The following PLCG2 variants were observed in gnomAD, a reference collection of about 807,000 sequenced individuals.
PLCG2 encodes the protein phospholipase C gamma 2, also known as 1-phosphatidylinositol 4,5-bisphosphate phosphodiesterase gamma-2.
PLCG2 carries 69 observed loss-of-function variants against 175.6 expected under a neutral mutation model. The ratio of observed to expected loss-of-function variants is 0.39; its 90% CI spans 0.32 to 0.48. The LOEUF (loss-of-function observed/expected upper bound fraction) is 0.48, where lower values mean the gene tolerates loss of function less well. PLCG2 is among the 20% of genes least tolerant of loss of function. The probability of loss-of-function intolerance (pLI) is 0.91; values close to 1 mark genes in which losing one functional copy is unlikely to be tolerated. For synonymous variants in PLCG2, 827 were observed against 624.0 expected, an observed-to-expected ratio of 1.33 and a Z score of -4.85; for missense variants, 1,798 against 1,650.9, an observed-to-expected ratio of 1.09 and a Z score of -1.54.
rs751838180 is a variant in PLCG2, at chr16:81,854,446, G to A, written c.196G>A (p.Asp66Asn). 3.7e-6 allele frequency: 6 copies of A among 1,613,824 alleles called. No homozygotes were observed. The highest frequency in any genetic ancestry group is 5.1e-6 in the Non-Finnish European group (6 of 1,179,774). ...KTADKIEGFL[D>N]IMEIKEIRPG... ...GGCTCATGTTAATTTCATTTTAGTGGATATCATGGAAATAAAAGAAATCCG... is the reference window on the plus strand; with the variant it reads ...GGCTCATGTTAATTTCATTTTAGTGAATATCATGGAAATAAAAGAAATCCG... The change falls in exon 3 of 33, where the codon GAT (aspartate) becomes AAT (asparagine). Residue 66 changes from aspartate (D) to asparagine (N), a missense_variant and splice_region_variant. Asp to Asn is a conservative substitution (Grantham distance 23). Coordinates refer to ENST00000564138, the MANE Select transcript of PLCG2 (RefSeq NM_002661.5).
At chr16:81,892,912 A>G (rs1218828179) in intron 11 of PLCG2, among the ~76,000 whole-genome samples, 1 of 148,616 alleles carries the variant, frequency 6.7e-6, no homozygotes, top group African/African-American at 2.5e-5. Flanking sequence ...CATTGGTGCG[A>G]TCTCAGCTCA....
intron 2 of PLCG2, among the ~76,000 whole-genome samples, chr16:81,853,369 C>A (rs541024704): frequency 6.6e-6 from 1 of 151,988 alleles, no homozygotes; most frequent in East Asian, 1.9e-4. Context: ...AACCATTAGA[C>A]CCTGAACTGG....
At chr16:81,753,500 C>A (rs117493392) in intron 1 of PLCG2, among the ~76,000 whole-genome samples, 2,691 of 151,554 alleles carry the variant, frequency 0.018, 36 homozygotes, top group Middle Eastern at 0.034. Flanking sequence ...CTCACTGATG[C>A]CTCCACCTCC....
intron 2 of PLCG2, among the ~76,000 whole-genome samples, chr16:81,847,914 A>G (rs981048808): frequency 6.6e-6 from 1 of 152,232 alleles, no homozygotes; most frequent in Non-Finnish European, 1.5e-5. Flanking sequence ...CCGATCCCCA[A>G]CAGTCACTGA....
intron 2 of PLCG2, among the ~76,000 whole-genome samples, chr16:81,789,121 G>GTAAAA (rs144675598): frequency 4.6e-5 from 7 of 152,116 alleles, no homozygotes; most frequent in African/African-American, 1.2e-4. Context: ...GGAACTTAAA[G>GTAAAA]TAAAATAAAA....
At chr16:81,783,368 C>CAT (rs970884116) in intron 1 of PLCG2, among the ~76,000 whole-genome samples, 13 of 152,272 alleles carry the variant, frequency 8.5e-5, no homozygotes, top group East Asian at 3.9e-4. Flanking sequence ...AGGTTTGTTA[C>CAT]ATATATATAC....
intron 3 of PLCG2, among the ~76,000 whole-genome samples, chr16:81,854,935 A>G (rs1319142236): frequency 1.3e-5 from 2 of 152,090 alleles, no homozygotes; most frequent in African/African-American, 2.4e-5. Context: ...TGAAAAATGT[A>G]CGCTGGGCTC....
chr16:81,819,649 A>G (rs1378831051), intron 2 of PLCG2, among the ~76,000 whole-genome samples: 2 of 152,146 alleles, frequency 1.3e-5, no homozygotes, highest in Non-Finnish European at 2.9e-5. Context: ...CGGTGGCGCT[A>G]TCTCGGCTCA....
At chr16:81,901,249 A>G (rs149136265) in intron 14 of PLCG2, among the ~76,000 whole-genome samples, 276 of 152,292 alleles carry the variant, frequency 1.8e-3, no homozygotes, top group Middle Eastern at 0.017. Flanking sequence ...GTTGCTAGAA[A>G]AGGCTGAGTG....
At chr16:81,936,593 G>A (rs547959925) in intron 27 of PLCG2, among the ~76,000 whole-genome samples, 16 of 152,234 alleles carry the variant, frequency 1.1e-4, no homozygotes, top group Non-Finnish European at 2.2e-4. Flanking sequence ...CGCAGGCTTC[G>A]TGATTGTAAG....
chr16:81,782,976 G>A (rs1011796998), intron 1 of PLCG2, among the ~76,000 whole-genome samples: 3 of 152,086 alleles, frequency 2.0e-5, no homozygotes, highest in Non-Finnish European at 4.4e-5. Context: ...TTGGTGAGAC[G>A]CAGCATGGAA....
chr16:81,910,462 G>A, intron 17 of PLCG2, 58 bp from the exon 18 acceptor site: 4 of 1,500,418 alleles, frequency 2.7e-6, no homozygotes, highest in Non-Finnish European at 3.7e-6. Flanking sequence ...TGAGGCCCTG[G>A]CTGCCGCAAT....
At chr16:81,933,916 C>T (rs971075075) in intron 25 of PLCG2, among the ~76,000 whole-genome samples, 1 of 152,206 alleles carries the variant, frequency 6.6e-6, no homozygotes, top group African/African-American at 2.4e-5. Context: ...GTCCATGGCA[C>T]ATGGCCTGGG....
chr16:81,865,055 AAGGCAGCTGGAAC>A (rs992993489), intron 5 of PLCG2, among the ~76,000 whole-genome samples: 2 of 152,100 alleles, frequency 1.3e-5, no homozygotes, highest in Non-Finnish European at 2.9e-5. Context: ...TGGGGGAAGG[AAGGCAGCTGGAAC>A]AGGCAGCTGG....
chr16:81,848,662 G>A (rs970551035), intron 2 of PLCG2, among the ~76,000 whole-genome samples: 1 of 151,982 alleles, frequency 6.6e-6, no homozygotes, highest in African/African-American at 2.4e-5. Flanking sequence ...CCCTCTTGAG[G>A]TCCCCATTTC....
upstream of PLCG2, among the ~76,000 whole-genome samples, chr16:81,776,958 G>A (rs1357624240): frequency 6.6e-6 from 1 of 152,182 alleles, no homozygotes; most frequent in Non-Finnish European, 1.5e-5. Flanking sequence ...TCACCTGGGG[G>A]GTGGGGTTGG....
chr16:81,793,075 C>A (rs1228838373), intron 2 of PLCG2, among the ~76,000 whole-genome samples: 1 of 152,138 alleles, frequency 6.6e-6, no homozygotes, highest in African/African-American at 2.4e-5. Flanking sequence ...AAAAAGGCCC[C>A]CTGGTGAGGA....
At chr16:81,754,960 G>A (rs1319943164) in intron 1 of PLCG2, among the ~76,000 whole-genome samples, 1 of 152,120 alleles carries the variant, frequency 6.6e-6, no homozygotes, top group Non-Finnish European at 1.5e-5. Context: ...GAGAACATTG[G>A]CAGAGGAAGA....
Position 81,883,400 on chromosome 16 carries a change from G to A in PLCG2, c.765+59G>A, listed in dbSNP as rs1567515162. ...GCTGGCGGGATGCTGCTGGGGACTA[G>A]TCTCACCCTTCTGCCGCCTGTGCTC... On this transcript the variant is annotated intron_variant, in intron 9 of 32. Coordinates refer to ENST00000564138, the MANE Select transcript of PLCG2 (RefSeq NM_002661.5). The A allele has an allele frequency of 2.1e-5, 29 of 1,409,892 alleles. No individual in the cohort carries two copies. In the South Asian group the frequency reaches 3.0e-4, roughly 15 times the overall value. The allele number at this position is 1,409,892 out of a possible 1,614,324, so 87.3% of individuals were successfully genotyped here.
Sources: allele counts gnomAD v4.1 joint callset (sites outside exome capture counted in the v4.1 genomes callset), GRCh38; gene constraint gnomAD v4.1.1; transcripts MANE v1.5; gene names NCBI Gene and HGNC (gene_info 2026-07-23, HGNC 2026-07-21).